The following CYP4Z1 variants were observed in gnomAD, a reference collection of about 807,000 sequenced individuals.
The protein encoded by CYP4Z1 is cytochrome P450 4Z1.
Under a neutral mutation model 54.2 loss-of-function variants are expected in CYP4Z1, and 41 were observed. That is an observed-to-expected ratio of 0.76 (90% confidence interval 0.59 to 0.98). The LOEUF (loss-of-function observed/expected upper bound fraction) is 0.98, where lower values mean the gene tolerates loss of function less well. CYP4Z1 is among the 50% of genes least tolerant of loss of function. CYP4Z1 has a pLI of 0.00. For missense variants in CYP4Z1, 513 were observed against 599.0 expected (o/e 0.86, Z 1.50); for synonymous variants, 163 against 206.2 (o/e 0.79, Z 1.79).
At position 47,094,127 on chromosome 1, in the gene CYP4Z1, C is replaced by A. The variant is rs138633418; in HGVS notation, c.773-439C>A. ...GAATATTTTCAGTATTCCTCTGCCA[C>A]TCAATTTGAGCACCAGTCTCTACCA... On this transcript the variant is annotated intron_variant, in intron 6 of 11. Coordinates refer to ENST00000334194, the MANE Select transcript of CYP4Z1 (RefSeq NM_178134.3). Among the ~76,000 whole-genome samples, 568 of 152,280 alleles carry A rather than the reference C, an allele frequency of 3.7e-3. 3 individuals carry two copies. Among genetic ancestry groups the A allele is most frequent in the African/African-American group, 0.013 (535 of 41,544 alleles).
upstream of CYP4Z1, among the ~76,000 whole-genome samples, chr1:47,063,029 G>A (rs1211925240): frequency 6.6e-6 from 1 of 152,156 alleles, no homozygotes; most frequent in African/African-American, 2.4e-5. Context: ...GGTATCCATG[G>A]CTAAGAGACC....
At position 47,094,635 on chromosome 1, in the gene CYP4Z1, G is replaced by A. The variant is rs146391078; in HGVS notation, c.842G>A (p.Arg281His). 6,365 of 1,611,212 alleles carry A rather than the reference G, an allele frequency of 4.0e-3. 17 individuals are homozygous for A. The highest frequency in any genetic ancestry group is 4.4e-3 in the Non-Finnish European group (5,150 of 1,178,864). The change falls in exon 7 of 12, where the codon CGC becomes CAC. Residue 281 changes from arginine (R) to histidine (H), a missense_variant. By Grantham distance (29) the Arg-to-His change is conservative (BLOSUM62 0). Transcript: ENST00000334194. ...AAACAAGATACTACTCAGAAAAGGC[G>A]CTGGGATTTTCTGGACATACTTTTG... The part of the protein sequence containing the change: ...KLKQDTTQKR[R>H]WDFLDILLSA...
intron 2 of CYP4Z1, among the ~76,000 whole-genome samples, chr1:47,074,509 C>T (rs1261078943): frequency 6.6e-6 from 1 of 152,152 alleles, no homozygotes; most frequent in African/African-American, 2.4e-5. Flanking sequence ...CCCTTTGGTA[C>T]ATTTTTAGTT....
At chr1:47,087,277 A>T (rs1372772530) in intron 6 of CYP4Z1, among the ~76,000 whole-genome samples, 1 of 152,182 alleles carries the variant, frequency 6.6e-6, no homozygotes, top group Non-Finnish European at 1.5e-5. Flanking sequence ...TGTATAAATT[A>T]CCTTGGGCAG....
rs560111673 is a variant in CYP4Z1 at position 47,118,299 on chromosome 1, A to C, written c.*365A>C. On this transcript the variant is annotated 3_prime_UTR_variant, in exon 12 of 12. Coordinates refer to ENST00000334194, the MANE Select transcript of CYP4Z1 (RefSeq NM_178134.3). ...GCTTTATTCTCAGTTATCTTTCCCCATAATAAAAAATATCTGCCACCTTCT... is the reference window on the plus strand; with the variant it reads ...GCTTTATTCTCAGTTATCTTTCCCCCTAATAAAAAATATCTGCCACCTTCT... 1 of 167,458 alleles carries C rather than the reference A, an allele frequency of 6.0e-6. No homozygotes were observed. The highest frequency in any genetic ancestry group is 1.3e-5 in the Non-Finnish European group (1 of 77,228). 10.4% of individuals were successfully genotyped at this position (167,458 alleles called of 1,614,324 possible). A position where few individuals can be genotyped will look rare whatever the true frequency, so the allele number is the denominator to read the frequency against.
At chr1:47,102,025 T>C (rs943928704) in intron 8 of CYP4Z1, among the ~76,000 whole-genome samples, 8 of 152,168 alleles carry the variant, frequency 5.3e-5, no homozygotes, top group Admixed American at 4.6e-4. Context: ...TTTCTATGTC[T>C]TTTTTACTAC....
At chr1:47,067,025 A>G (rs900129165), upstream of CYP4Z1, among the ~76,000 whole-genome samples, 45 of 152,274 alleles carry the variant, frequency 3.0e-4, no homozygotes, top group Middle Eastern at 3.4e-3. Context: ...GGGGTGATAT[A>G]TGGGAACTCC....
chr1:47,093,869 T>G (rs1426901532), intron 6 of CYP4Z1, among the ~76,000 whole-genome samples: 1 of 152,162 alleles, frequency 6.6e-6, no homozygotes, highest in Non-Finnish European at 1.5e-5. Flanking sequence ...TGGAGAGAAT[T>G]TCTGTTTCCA....
intron 11 of CYP4Z1, among the ~76,000 whole-genome samples, chr1:47,116,954 G>A (rs2148544388): frequency 1.3e-5 from 2 of 152,268 alleles, no homozygotes; most frequent in African/African-American, 4.8e-5. Flanking sequence ...TGGCATATGG[G>A]TGTGAATTGA....
chr1:47,117,637 A>T, intron 11 of CYP4Z1, 129 bp from the exon 12 acceptor site: 1 of 987,888 alleles, frequency 1.0e-6, no homozygotes, highest in Non-Finnish European at 1.4e-6. Flanking sequence ...CCTGTAATCC[A>T]GCAGGATGAC....
chr1:47,107,206 C>A (rs955711442), intron 9 of CYP4Z1, among the ~76,000 whole-genome samples: 1 of 152,204 alleles, frequency 6.6e-6, no homozygotes, highest in East Asian at 1.9e-4. Context: ...TCCTGCCCCC[C>A]AGTTCTGCTG....
At chr1:47,090,003 C>A (rs577141434) in intron 6 of CYP4Z1, among the ~76,000 whole-genome samples, 4 of 152,356 alleles carry the variant, frequency 2.6e-5, no homozygotes, top group Non-Finnish European at 1.5e-5. Flanking sequence ...TTTTTTCTGA[C>A]TTTCATAGAC....
At chr1:47,076,945 G>T (rs1286087517) in intron 2 of CYP4Z1, among the ~76,000 whole-genome samples, 1 of 151,198 alleles carries the variant, frequency 6.6e-6, no homozygotes, top group Non-Finnish European at 1.5e-5. Context: ...CTATGGAGAG[G>T]TATTTTTGTA....
intron 4 of CYP4Z1, among the ~76,000 whole-genome samples, chr1:47,083,809 C>G (rs1281447676): frequency 6.6e-6 from 1 of 152,128 alleles, no homozygotes; most frequent in Non-Finnish European, 1.5e-5. Flanking sequence ...TGCCCTTACC[C>G]ACATCCAAAC....
Position 47,094,451 on chromosome 1 carries a change from G to C in CYP4Z1, c.773-115G>C, listed in dbSNP as rs1293631277. The C allele has an allele frequency of 7.6e-5, 51 of 671,712 alleles. 1 individual carries two copies. The highest frequency in any genetic ancestry group is 1.1e-4 in the Non-Finnish European group (45 of 405,132). 41.6% of individuals were successfully genotyped at this position (671,712 alleles called of 1,614,324 possible). A position where few individuals can be genotyped will look rare whatever the true frequency, so the allele number is the denominator to read the frequency against. On this transcript the variant is annotated intron_variant, in intron 6 of 11. Coordinates refer to ENST00000334194, the MANE Select transcript of CYP4Z1 (RefSeq NM_178134.3). The stretch of plus-strand genomic sequence containing the variant: ...GTCCCTTACCAACTCAGGAACATTG[G>C]GTGGGGGGCAGCCAGGGGCTACCGA...
In CYP4Z1 at chr1:47,118,175, G is replaced by C; in HGVS notation, c.*241G>C. ...CTTCCACTGCGAAGGGAAATTATTG[G>C]TTTGTGTAACTAGTGGTAGAGTGGC... On this transcript the variant is annotated 3_prime_UTR_variant, in exon 12 of 12. Transcript: ENST00000334194. 2.5e-6 allele frequency: 1 copy of C among 392,938 alleles called. No individual in the cohort carries two copies. The highest frequency in any genetic ancestry group is 4.5e-5 in the South Asian group (1 of 22,172). The allele number at this position is 392,938 out of a possible 1,614,324, so 24.3% of individuals were successfully genotyped here.
At chr1:47,065,109 C>T (rs191357981), upstream of CYP4Z1, among the ~76,000 whole-genome samples, 2 of 152,252 alleles carry the variant, frequency 1.3e-5, no homozygotes. Flanking sequence ...CCATGGACAG[C>T]ACTAGACCGG....
Position 47,106,223 on chromosome 1 carries a change from A to C in CYP4Z1, c.1163A>C (p.Lys388Thr), listed in dbSNP as rs776879110. The C allele has an allele frequency of 6.2e-7, 1 of 1,613,764 alleles. No individual in the cohort carries two copies. Among genetic ancestry groups the C allele is most frequent in the Non-Finnish European group, 8.5e-7 (1 of 1,179,934 alleles). ...PVVNISRLLD[K>T]PITFPDGRSL... ...GTAAACATATCCCGGTTACTCGACAAACCCATCACCTTTCCAGATGGACGC... is the reference window on the plus strand; with the variant it reads ...GTAAACATATCCCGGTTACTCGACACACCCATCACCTTTCCAGATGGACGC... Residue 388 changes from lysine (K) to threonine (T), a missense_variant, in exon 9 of 12, where the codon AAA becomes ACA. By Grantham distance (78) the Lys-to-Thr change is moderately conservative. Coordinates refer to ENST00000334194, the MANE Select transcript of CYP4Z1 (RefSeq NM_178134.3).
chr1:47,116,546 G>A, intron 10 of CYP4Z1, 104 bp from the exon 11 acceptor site: 1 of 688,636 alleles, frequency 1.5e-6, no homozygotes, highest in Non-Finnish European at 2.4e-6. Context: ...ATTAGCTTTG[G>A]AATTCTGTTA....
Sources: gnomAD v4.1 joint callset for allele counts (sites outside exome capture counted in the v4.1 genomes callset) on GRCh38, gnomAD v4.1.1 for gene constraint, MANE v1.5 for transcripts, NCBI Gene and HGNC (gene_info 2026-07-23, HGNC 2026-07-21) for gene names.